The following GSE1 variants were observed in gnomAD, a reference collection of about 807,000 sequenced individuals.
The protein encoded by GSE1 is genetic suppressor element 1.
In GSE1, 32 loss-of-function variants were observed where a neutral mutation model predicts 112.6. The ratio of observed to expected loss-of-function variants is 0.28; its 90% confidence interval spans 0.21 to 0.38. The LOEUF is 0.38. GSE1 is among the 10% of genes least tolerant of loss of function. The pLI is 1.00. For missense variants in GSE1, 2,348 were observed against 1,699.2 expected (o/e 1.38, Z -6.71); for synonymous variants, 1,115 against 735.6 (o/e 1.52, Z -8.35).
At chr16:85,499,824 T>G (rs1230140491) in intron 2 of GSE1, among the ~76,000 whole-genome samples, 2 of 152,244 alleles carry the variant, frequency 1.3e-5, no homozygotes, top group African/African-American at 4.8e-5. Context: ...CATATGTTGC[T>G]GGCACAGTTG....
intron 1 of GSE1, chr16:85,593,547 G>C (rs1317378178): frequency 6.6e-6 from 1 of 152,468 alleles, no homozygotes; most frequent in Non-Finnish European, 1.5e-5. Flanking sequence ...TCTCCTTCCT[G>C]CTTCCACGTC....
At chr16:85,198,032 G>A (rs1278951617) in intron 1 of GSE1, among the ~76,000 whole-genome samples, 1 of 152,144 alleles carries the variant, frequency 6.6e-6, no homozygotes, top group Non-Finnish European at 1.5e-5. Flanking sequence ...GCACCCCTTG[G>A]TTGGGCGAGT....
intron 2 of GSE1, among the ~76,000 whole-genome samples, chr16:85,528,542 T>C (rs1254900277): frequency 6.6e-6 from 1 of 151,958 alleles, no homozygotes; most frequent in East Asian, 1.9e-4. Flanking sequence ...AGAGCTGGTC[T>C]CAAAACTCTG....
At chr16:85,577,569 C>T (rs999746475) in intron 1 of GSE1, among the ~76,000 whole-genome samples, 3 of 152,168 alleles carry the variant, frequency 2.0e-5, no homozygotes, top group East Asian at 1.9e-4. Context: ...CAGGAGGCAG[C>T]GCTGCGATTA....
chr16:85,529,335 G>A (rs1395063007), intron 2 of GSE1, among the ~76,000 whole-genome samples: 3 of 152,198 alleles, frequency 2.0e-5, no homozygotes, highest in African/African-American at 7.2e-5. Context: ...TGCAGCTGGT[G>A]GAAGGCCTCA....
At chr16:85,548,042 A>G (rs920555515) in intron 2 of GSE1, among the ~76,000 whole-genome samples, 2 of 151,956 alleles carry the variant, frequency 1.3e-5, no homozygotes. Context: ...CCTGGCCAAC[A>G]TGGTGAAACG....
In GSE1 at chr16:85,461,924, C is replaced by G. The variant is rs538430897; in HGVS notation, c.2464+104281C>G. ...CCCCTCCTTCCTGCTCTCCTCCCAG[C>G]CCATGGCTCTCAGCGCAGCTTGATT... On this transcript the variant is annotated intron_variant, in intron 2 of 2. Transcript: ENST00000637419. 2.0e-3 allele frequency among the ~76,000 whole-genome samples: 300 copies of G among 152,306 alleles called. 2 individuals carry two copies. The highest frequency in any genetic ancestry group is 6.6e-3 in the African/African-American group (274 of 41,578).
rs2045784902 is a variant in GSE1, at chr16:85,567,056, C to G, written c.37+10693C>G. Among the ~76,000 whole-genome samples the G allele has an allele frequency of 2.0e-5, 3 of 151,294 alleles. No homozygotes were observed. The South Asian group carries it at 6.3e-4, about 32-fold the overall frequency. On this transcript the variant is annotated intron_variant, in intron 1 of 2. Transcript: ENST00000635906. ...CCCGCCCCCACCCCCACCCCCACCC[C>G]CACCCCCACCCCCCTCCGCCCAATT...
intron 1 of GSE1, among the ~76,000 whole-genome samples, chr16:85,209,194 C>G (rs115550536): frequency 6.6e-6 from 1 of 152,170 alleles, no homozygotes; most frequent in African/African-American, 2.4e-5. Flanking sequence ...GCAGAAGCTG[C>G]GCAGGAATTG....
intron 2 of GSE1, among the ~76,000 whole-genome samples, chr16:85,472,265 G>A (rs2050318254): frequency 6.6e-6 from 1 of 152,178 alleles, no homozygotes; most frequent in African/African-American, 2.4e-5. Context: ...TAGCTTTACA[G>A]ACCAGGAGTC....
intron 1 of GSE1, among the ~76,000 whole-genome samples, chr16:85,239,764 C>T (rs1905025489): frequency 6.6e-6 from 1 of 152,220 alleles, no homozygotes; most frequent in Non-Finnish European, 1.5e-5. Context: ...GTGATTCTGC[C>T]ATATTGTCAT....
intron 2 of GSE1, among the ~76,000 whole-genome samples, chr16:85,360,310 G>A (rs550501778): frequency 1.6e-3 from 240 of 152,220 alleles, no homozygotes; most frequent in African/African-American, 5.2e-3. Flanking sequence ...GGGGACCCCC[G>A]TGAGTGTCCC....
intron 2 of GSE1, among the ~76,000 whole-genome samples, chr16:85,456,274 G>T (rs954159129): frequency 6.6e-6 from 1 of 152,182 alleles, no homozygotes; most frequent in Non-Finnish European, 1.5e-5. Flanking sequence ...GTGGAGCTGG[G>T]GCATCAGAAT....
chr16:85,322,420 A>G (rs1366148392), intron 1 of GSE1, among the ~76,000 whole-genome samples: 1 of 152,094 alleles, frequency 6.6e-6, no homozygotes, highest in Non-Finnish European at 1.5e-5. Context: ...ACCTTGTTGC[A>G]AAGAAAAATA....
In GSE1 at chr16:85,195,859, C is replaced by T. The variant is rs200075908; in HGVS notation, c.2283+24052C>T. On this transcript the variant is annotated intron_variant, in intron 1 of 2. Coordinates refer to the GSE1 transcript ENST00000637419. ...AGTTAAAAAATAAAACAAATCAAAG[C>T]CAGCAGCTCCTGTTCCCATCACTTC... Among the ~76,000 whole-genome samples the T allele has an allele frequency of 2.0e-5, 3 of 152,132 alleles. No individual in the cohort carries two copies. In the East Asian group the frequency reaches 5.8e-4, roughly 29 times the overall value.
chr16:85,370,919 C>G (rs1465311210), intron 2 of GSE1, among the ~76,000 whole-genome samples: 1 of 152,234 alleles, frequency 6.6e-6, no homozygotes. Context: ...CAGCCTGGCT[C>G]CTGTGTACAG....
intron 1 of GSE1, among the ~76,000 whole-genome samples, chr16:85,189,541 T>G (rs1278388623): frequency 6.6e-6 from 1 of 152,242 alleles, no homozygotes; most frequent in African/African-American, 2.4e-5. Flanking sequence ...TAAGTATATG[T>G]CTTTAAAAAC....
At chr16:85,442,582 C>T (rs928138563) in intron 2 of GSE1, among the ~76,000 whole-genome samples, 5 of 152,088 alleles carry the variant, frequency 3.3e-5, no homozygotes, top group African/African-American at 1.2e-4. Context: ...GCCAAGTGGT[C>T]ATTGGGAATT....
intron 2 of GSE1, among the ~76,000 whole-genome samples, chr16:85,421,851 G>A (rs1399356725): frequency 6.6e-6 from 1 of 152,096 alleles, no homozygotes; most frequent in African/African-American, 2.4e-5. Context: ...GGCTTCCGGG[G>A]TGAGGGGCCG....
Sources: allele counts gnomAD v4.1 joint callset (sites outside exome capture counted in the v4.1 genomes callset), GRCh38; gene constraint gnomAD v4.1.1; transcripts MANE v1.5; gene names NCBI Gene and HGNC (gene_info 2026-07-23, HGNC 2026-07-21).